MMRN1: variants seen among roughly 807,000 people sequenced by gnomAD.
MMRN1 encodes the protein multimerin 1, also known as multimerin-1.
MMRN1 carries 94 observed loss-of-function variants against 100.7 expected under a neutral mutation model. The ratio of observed to expected loss-of-function variants is 0.93; its 90% CI spans 0.79 to 1.11. The LOEUF (loss-of-function observed/expected upper bound fraction) is 1.11. Among genes scored for constraint, MMRN1 ranks in the 50% least tolerant of loss-of-function variants. The pLI is 0.00. For missense variants in MMRN1, 1,606 were observed against 1,439.1 expected, an observed-to-expected ratio of 1.12 and a Z score of -1.88; for synonymous variants, 575 against 505.0, an observed-to-expected ratio of 1.14 and a Z score of -1.86.
Position 89,935,981 on chromosome 4 carries a change from C to A in MMRN1, c.2301C>A (p.Ser767=). The A allele has an allele frequency of 2.5e-6, 4 of 1,612,740 alleles. No homozygotes were observed. In the South Asian group the frequency reaches 4.4e-5, roughly 18 times the overall value. The change falls in exon 6 of 8, where the codon TCC becomes TCA. Residue 767 remains serine (S), a synonymous_variant. Coordinates refer to ENST00000264790, the MANE Select transcript of MMRN1 (RefSeq NM_007351.3). ...GTGAGATCCATCATAAATGTACCTCCGATATGGAAACTATTTTGACATTTA... is the reference window on the plus strand; with the variant it reads ...GTGAGATCCATCATAAATGTACCTCAGATATGGAAACTATTTTGACATTTA... The part of the protein sequence containing the change: ...DNSEIHHKCT[S]DMETILTFIP...
At chr4:89,883,149 C>T (rs1720857548) in intron 1 of MMRN1, among the ~76,000 whole-genome samples, 1 of 151,948 alleles carries the variant, frequency 6.6e-6, no homozygotes, top group East Asian at 1.9e-4. Context: ...ATATTCCATT[C>T]CTTGTTTATA....
At chr4:89,928,868 T>C (rs1247875045) in intron 5 of MMRN1, among the ~76,000 whole-genome samples, 1 of 152,194 alleles carries the variant, frequency 6.6e-6, no homozygotes, top group Non-Finnish European at 1.5e-5. Context: ...AGGTACATAT[T>C]CATGGATACA....
chr4:89,926,190 G>A (rs1722252855), intron 4 of MMRN1, among the ~76,000 whole-genome samples: 1 of 152,054 alleles, frequency 6.6e-6, no homozygotes, highest in Admixed American at 6.6e-5. Context: ...TTTAGTTTTT[G>A]AGGAACCTCC....
chr4:89,883,003 T>A (rs1262515648), intron 1 of MMRN1, among the ~76,000 whole-genome samples: 1 of 152,082 alleles, frequency 6.6e-6, no homozygotes, highest in Non-Finnish European at 1.5e-5. Context: ...CATATAAATA[T>A]AACTATAACA....
intron 6 of MMRN1, among the ~76,000 whole-genome samples, chr4:89,942,558 G>A (rs1722866701): frequency 6.6e-6 from 1 of 152,066 alleles, no homozygotes; most frequent in Admixed American, 6.6e-5. Context: ...TTAATTGCCA[G>A]TTTTACTATA....
At chr4:89,910,699 C>T (rs976712407) in intron 2 of MMRN1, among the ~76,000 whole-genome samples, 1 of 151,354 alleles carries the variant, frequency 6.6e-6, no homozygotes, top group Non-Finnish European at 1.5e-5. Context: ...TAGTATTTCA[C>T]TAGACAGAAT....
In MMRN1 at chr4:89,912,806, G is replaced by A. The variant is rs114810368; in HGVS notation, c.850+756G>A. The stretch of plus-strand genomic sequence containing the variant: ...AAATTAATAAAACTGTGGAGAAACC[G>A]TTATGGCTCACATTAAGAAAAAGAA... On this transcript the variant is annotated intron_variant, in intron 3 of 7. Coordinates refer to ENST00000264790, the MANE Select transcript of MMRN1 (RefSeq NM_007351.3). Among the ~76,000 whole-genome samples, 323 of 151,206 alleles carry A rather than the reference G, an allele frequency of 2.1e-3. 2 individuals carry two copies. The highest frequency in any genetic ancestry group is 7.5e-3 in the African/African-American group (309 of 41,414).
intron 1 of MMRN1, among the ~76,000 whole-genome samples, chr4:89,885,292 G>C (rs570112381): frequency 1.3e-5 from 2 of 152,010 alleles, no homozygotes; most frequent in South Asian, 4.2e-4. Context: ...ACCCCTGTGG[G>C]ATCATGATAT....
At chr4:89,947,636 C>T (rs935003094) in intron 6 of MMRN1, among the ~76,000 whole-genome samples, 8 of 151,978 alleles carry the variant, frequency 5.3e-5, no homozygotes, top group African/African-American at 1.9e-4. Context: ...CATCAGGCAG[C>T]AATGGAGAGA....
intron 5 of MMRN1, among the ~76,000 whole-genome samples, chr4:89,929,317 T>C (rs1722363991): frequency 1.3e-5 from 2 of 152,114 alleles, no homozygotes. Context: ...ATTTAATATA[T>C]CATCTACCAG....
chr4:89,942,260 T>C (rs1722855196), intron 6 of MMRN1, among the ~76,000 whole-genome samples: 1 of 152,166 alleles, frequency 6.6e-6, no homozygotes, highest in Non-Finnish European at 1.5e-5. Flanking sequence ...GAAACGAAAT[T>C]TGATTCTTAA....
intron 1 of MMRN1, among the ~76,000 whole-genome samples, chr4:89,888,303 T>C (rs1055425105): frequency 6.6e-6 from 1 of 152,010 alleles, no homozygotes; most frequent in Admixed American, 6.6e-5. Flanking sequence ...AGGATATTTT[T>C]ACAAGATATA....
intron 4 of MMRN1, among the ~76,000 whole-genome samples, chr4:89,926,457 C>T (rs1288968607): frequency 1.3e-5 from 2 of 152,046 alleles, no homozygotes; most frequent in Non-Finnish European, 2.9e-5. Flanking sequence ...AAATCTTTTG[C>T]CCTGTTTTGA....
At chr4:89,919,746 C>G (rs1722030626) in intron 3 of MMRN1, among the ~76,000 whole-genome samples, 1 of 151,926 alleles carries the variant, frequency 6.6e-6, no homozygotes, top group Non-Finnish European at 1.5e-5. Context: ...CTCAAGATAC[C>G]CGAAACAAAT....
intron 3 of MMRN1, among the ~76,000 whole-genome samples, chr4:89,920,747 A>C (rs879863009): frequency 6.6e-6 from 1 of 151,980 alleles, no homozygotes; most frequent in Non-Finnish European, 1.5e-5. Context: ...AAGCTTAGCA[A>C]TTTGTTCAAA....
In MMRN1 at chr4:89,926,398, T is replaced by A. The variant is rs143748562; in HGVS notation, c.956-1397T>A. ...TGATCAGTTATGTTAAGCACCTTTT[T>A]ATATGCCTGTTTGCCATATGTATGT... On this transcript the variant is annotated intron_variant, in intron 4 of 7. Coordinates refer to ENST00000264790, the MANE Select transcript of MMRN1 (RefSeq NM_007351.3). Among the ~76,000 whole-genome samples, 393 of 152,346 alleles carry A rather than the reference T, an allele frequency of 2.6e-3. 4 individuals carry two copies. The highest frequency in any genetic ancestry group is 8.7e-3 in the African/African-American group (363 of 41,586).
chr4:89,888,108 G>A (rs1720977004), intron 1 of MMRN1, among the ~76,000 whole-genome samples: 1 of 151,672 alleles, frequency 6.6e-6, no homozygotes, highest in Non-Finnish European at 1.5e-5. Context: ...TATCAAATTT[G>A]TTTACATATA....
chr4:89,953,088 T>C lies in MMRN1; in HGVS notation c.3357T>C (p.Phe1119=), dbSNP rs1292257222. 1.2e-6 allele frequency: 2 copies of C among 1,613,818 alleles called. No homozygotes were observed. The highest frequency in any genetic ancestry group is 2.2e-5 in the East Asian group (1 of 44,874). Reference sequence around the variant, plus strand: ...TGACTATACCTGGTCCTATCCTGTTTAATAACTTGGATGTCAATTATGGAG... The same window carrying C: ...TGACTATACCTGGTCCTATCCTGTTCAATAACTTGGATGTCAATTATGGAG... ...YGMTIPGPIL[F]NNLDVNYGAS... Residue 1119 remains phenylalanine (F), a synonymous_variant, in exon 8 of 8, where the codon TTT becomes TTC. Transcript: ENST00000264790.
chr4:89,938,476 CATATATATATATAT>C (rs372673572), intron 6 of MMRN1, among the ~76,000 whole-genome samples: 3,377 of 123,584 alleles, frequency 0.027, 114 homozygotes, highest in African/African-American at 0.084. Context: ...ATTTTTTAAA[CATATATATATATAT>C]ATATATATAT....
Sources: gnomAD v4.1 joint callset for allele counts (sites outside exome capture counted in the v4.1 genomes callset) on GRCh38, gnomAD v4.1.1 for gene constraint, MANE v1.5 for transcripts, NCBI Gene and HGNC (gene_info 2026-07-23, HGNC 2026-07-21) for gene names.